SMC4: variants seen among roughly 807,000 people sequenced by gnomAD.
SMC4 encodes the protein structural maintenance of chromosomes 4.
A neutral mutation model predicts 145.6 loss-of-function variants in SMC4; 87 were observed. The observed-to-expected ratio is 0.60, with a 90% CI of 0.50 to 0.71. The LOEUF is 0.71. SMC4 is among the 30% of genes least tolerant of loss of function. SMC4 has a pLI of 0.00. For synonymous variants in SMC4, 558 were observed against 500.7 expected, an observed-to-expected ratio of 1.11 and a Z score of -1.53; for missense variants, 1,447 against 1,537.1, an observed-to-expected ratio of 0.94 and a Z score of 0.98.
At chr3:160,410,318 G>A (rs978369711) in intron 5 of SMC4, among the ~76,000 whole-genome samples, 3 of 152,162 alleles carry the variant, frequency 2.0e-5, no homozygotes, top group African/African-American at 7.2e-5. Flanking sequence ...AGCCCAAAAT[G>A]TCAGTAGTGC....
chr3:160,433,904 A>G lies in SMC4; in HGVS notation c.*95A>G, dbSNP rs561188853. The G allele has an allele frequency of 1.2e-5, 10 of 847,558 alleles. No individual in the cohort carries two copies. Among genetic ancestry groups the G allele is most frequent in the South Asian group, 1.8e-5 (1 of 55,088 alleles). The allele number at this position is 847,558 out of a possible 1,614,324, so 52.5% of individuals were successfully genotyped here. ...GAGTTGTATAAAATACATACTCCCT[A>G]AACTAGATCATGAAACTGGTTTCTG... On this transcript the variant is annotated 3_prime_UTR_variant, in exon 24 of 24. Transcript: ENST00000357388.
At chr3:160,416,446 T>C in intron 10 of SMC4, 31 bp downstream of exon 10, 1 of 1,353,976 alleles carries the variant, frequency 7.4e-7, no homozygotes, top group Non-Finnish European at 9.8e-7. Flanking sequence ...AGTGTTTATT[T>C]TGGTGGCTTT....
intron 5 of SMC4, among the ~76,000 whole-genome samples, chr3:160,411,054 A>C (rs1441846761): frequency 6.6e-6 from 1 of 152,084 alleles, no homozygotes; most frequent in African/African-American, 2.4e-5. Context: ...TTTTCTCTCC[A>C]CCATCAAACT....
Position 160,433,978 on chromosome 3 carries a change from T to C in SMC4, c.*169T>C. 2.1e-6 allele frequency: 1 copy of C among 476,350 alleles called. No homozygotes were observed. Among genetic ancestry groups the C allele is most frequent in the Admixed American group, 4.5e-5 (1 of 22,004 alleles). 29.5% of individuals were successfully genotyped at this position (476,350 alleles called of 1,614,324 possible). ...AGTCTAATAAAATATTCTCTATAAT[T>C]GCTTCTAGATTACAAAAATATGACA... is the stretch of plus-strand genomic sequence containing the variant. On this transcript the variant is annotated 3_prime_UTR_variant, in exon 24 of 24. Transcript: ENST00000357388.
At chr3:160,404,786 TATATTA>T in intron 5 of SMC4, 1 of 582,676 alleles carries the variant, frequency 1.7e-6, no homozygotes, top group South Asian at 1.4e-5. Context: ...TAGTGAAATA[TATATTA>T]AACACCAATA....
At chr3:160,431,933 G>A in intron 21 of SMC4, 108 bp downstream of exon 21, 1 of 1,160,724 alleles carries the variant, frequency 8.6e-7, no homozygotes, top group East Asian at 2.6e-5. Context: ...CGGGCGTGGT[G>A]GCTCACGCCT....
chr3:160,415,480 T>C (rs1243642499), intron 9 of SMC4, among the ~76,000 whole-genome samples: 1 of 152,262 alleles, frequency 6.6e-6, no homozygotes, highest in African/African-American at 2.4e-5. Context: ...AAAAAAAGCT[T>C]TGTTCCATAT....
At chr3:160,411,795 A>T in intron 5 of SMC4, 125 bp from the exon 6 acceptor site, 1 of 669,468 alleles carries the variant, frequency 1.5e-6, no homozygotes, top group Non-Finnish European at 2.4e-6. Context: ...TCATTGCACT[A>T]CTAACTGTAC....
chr3:160,428,915 C>G lies in SMC4; in HGVS notation c.2768C>G (p.Ala923Gly). ...LDECASAITK[A>G]QVAIKTADRN... The stretch of plus-strand genomic sequence containing the variant: ...GAATGTGCTTCTGCTATTACTAAAG[C>G]CCAAGTAGCAATCAAGACTGCTGAC... The change falls in exon 18 of 24, where the codon GCC becomes GGC. Residue 923 changes from alanine to glycine, a missense_variant. Transcript: ENST00000357388. The G allele has an allele frequency of 6.3e-7, 1 of 1,590,944 alleles. No individual in the cohort carries two copies. The highest frequency in any genetic ancestry group is 8.5e-7 in the Non-Finnish European group (1 of 1,174,712).
At chr3:160,419,693 T>C (rs969191098) in intron 12 of SMC4, 150 bp downstream of exon 12, 1 of 735,774 alleles carries the variant, frequency 1.4e-6, no homozygotes, top group Non-Finnish European at 2.1e-6. Context: ...TTTTTAAACA[T>C]TTTGCCCTTA....
At chr3:160,404,956 A>G (rs928243547) in intron 5 of SMC4, 1 of 291,286 alleles carries the variant, frequency 3.4e-6, no homozygotes, top group East Asian at 1.0e-4. Context: ...ATATATAACC[A>G]AAAAATGAAA....
chr3:160,404,645 C>A, intron 5 of SMC4, 141 bp downstream of exon 5: 1 of 816,960 alleles, frequency 1.2e-6, no homozygotes, highest in Non-Finnish European at 2.2e-6. Context: ...AGTCAAGATG[C>A]GAATCATTAT....
chr3:160,401,064 G>C (rs1340009362), intron 2 of SMC4, 99 bp downstream of exon 2: 12 of 1,318,742 alleles, frequency 9.1e-6, no homozygotes, highest in Non-Finnish European at 1.2e-5. Context: ...GCGCGGAGTT[G>C]ACATCTGAAG....
In SMC4 at chr3:160,402,170, A is replaced by G. The variant is rs561035704; in HGVS notation, c.318+77A>G. ...GTAATACGTTTTTACAAGATGTTTC[A>G]GTTTTGTAACTATCCTAAAATTCAT... On this transcript the variant is annotated intron_variant, in intron 3 of 23. Transcript: ENST00000357388. 202 of 967,546 alleles carry G rather than the reference A, an allele frequency of 2.1e-4. 2 individuals carry two copies. The highest frequency in any genetic ancestry group is 3.1e-5 in the East Asian group (1 of 32,152). The allele number at this position is 967,546 out of a possible 1,614,324, so 59.9% of individuals were successfully genotyped here.
At chr3:160,404,286 A>G in intron 4 of SMC4, 42 bp from the exon 5 acceptor site, 2 of 1,565,714 alleles carry the variant, frequency 1.3e-6, no homozygotes, top group Non-Finnish European at 8.6e-7. Context: ...CTATGACTTA[A>G]TACCAACAAT....
At chr3:160,413,212 G>A (rs1021410787) in intron 7 of SMC4, among the ~76,000 whole-genome samples, 14 of 151,860 alleles carry the variant, frequency 9.2e-5, no homozygotes, top group African/African-American at 3.4e-4. Context: ...TCAAACTTCT[G>A]AGTTCAGGCA....
chr3:160,404,109 A>AT, intron 4 of SMC4: 1 of 452,730 alleles, frequency 2.2e-6, no homozygotes, highest in Non-Finnish European at 3.9e-6. Context: ...TGGCTTCTTG[A>AT]TTTTTGTGAT....
chr3:160,401,812 C>G (rs1157740499), intron 2 of SMC4, 103 bp from the exon 3 acceptor site: 6 of 826,778 alleles, frequency 7.3e-6, no homozygotes, highest in Non-Finnish European at 9.5e-6. Flanking sequence ...CCTCCATCCC[C>G]TACTTTAAAG....
intron 23 of SMC4, 141 bp from the exon 24 acceptor site, chr3:160,433,495 AATTCCTTTCACACTCAAATAC>A: frequency 1.8e-6 from 1 of 558,156 alleles, no homozygotes; most frequent in South Asian, 3.0e-5. Context: ...AAAATAACCA[AATTCCTTTCACACTCAAATAC>A]TGTTTTATGA....
Sources: allele counts gnomAD v4.1 joint callset (sites outside exome capture counted in the v4.1 genomes callset), GRCh38; gene constraint gnomAD v4.1.1; transcripts MANE v1.5; gene names NCBI Gene and HGNC (gene_info 2026-07-23, HGNC 2026-07-21).